The following SMAP1 variants were observed in gnomAD, a reference collection of about 807,000 sequenced individuals.
The protein encoded by SMAP1 is small ArfGAP 1.
A neutral mutation model predicts 58.5 loss-of-function variants in SMAP1; 24 were observed. That is an observed-to-expected ratio of 0.41 (90% CI 0.30 to 0.58). The LOEUF is 0.58. Ranked by LOEUF, SMAP1 falls within the 20% of genes least tolerant of loss-of-function variation. The pLI, the probability that SMAP1 is intolerant of heterozygous loss-of-function variation, is 0.29. For synonymous variants in SMAP1, 216 were observed against 196.6 expected, an observed-to-expected ratio of 1.10 and a Z score of -0.82; for missense variants, 563 against 566.3, an observed-to-expected ratio of 0.99 and a Z score of 0.06.
At chr6:70,739,903 A>G (rs1464533812) in intron 2 of SMAP1, among the ~76,000 whole-genome samples, 1 of 150,426 alleles carries the variant, frequency 6.6e-6, no homozygotes, top group Non-Finnish European at 1.5e-5. Context: ...TTTTTTCTTG[A>G]TTCTGTCATT....
intron 3 of SMAP1, among the ~76,000 whole-genome samples, chr6:70,761,019 G>T (rs1766725372): frequency 6.6e-6 from 1 of 152,022 alleles, no homozygotes; most frequent in Admixed American, 6.6e-5. Flanking sequence ...CTAATCAGCA[G>T]TTCTCCTTTG....
chr6:70,768,343 A>T (rs538969521), intron 3 of SMAP1, among the ~76,000 whole-genome samples: 1,642 of 152,210 alleles, frequency 0.011, 35 homozygotes, highest in African/African-American at 0.037. Flanking sequence ...TCCTCCTTGT[A>T]CCTCTGGTAG....
intron 2 of SMAP1, among the ~76,000 whole-genome samples, chr6:70,748,026 C>G (rs937162922): frequency 6.6e-6 from 1 of 152,166 alleles, no homozygotes; most frequent in African/African-American, 2.4e-5. Context: ...GGAATGGACT[C>G]TGTATTAAAT....
intron 3 of SMAP1, among the ~76,000 whole-genome samples, chr6:70,761,366 A>G (rs569648482): frequency 6.6e-6 from 1 of 152,104 alleles, no homozygotes; most frequent in South Asian, 2.1e-4. Context: ...TGTTATTATA[A>G]TAATGTATTT....
intron 1 of SMAP1, among the ~76,000 whole-genome samples, chr6:70,684,157 T>C (rs1766836971): frequency 6.6e-6 from 1 of 152,232 alleles, no homozygotes; most frequent in Admixed American, 6.5e-5. Flanking sequence ...TTGGCAGTAA[T>C]GTAAACATGT....
In SMAP1 at chr6:70,835,712, G is replaced by A. The variant is rs537791989; in HGVS notation, c.577-1229G>A. On this transcript the variant is annotated intron_variant, in intron 6 of 10. Transcript: ENST00000370455. ...TGTAGAGACAGACTCTTGCTATGTT[G>A]CGCAGGCTGGTCTCAAACTCCTGGG... Among the ~76,000 whole-genome samples, 14 of 152,174 alleles carry A rather than the reference G, an allele frequency of 9.2e-5. No homozygotes were observed. The South Asian group carries it at 2.1e-3, about 23-fold the overall frequency.
In SMAP1 at chr6:70,860,937, A is replaced by AG. The variant is rs1452721736; in HGVS notation, c.*603_*604insG. ...CGTTTAATGAATGCTTAAAGAATTC[A>AG]AATTTTATCTGCCTCTCTTGTAATT... On this transcript the variant is annotated 3_prime_UTR_variant, in exon 11 of 11. Transcript: ENST00000370455. The AG allele has an allele frequency of 5.3e-6, 2 of 374,080 alleles. No individual in the cohort carries two copies. The highest frequency in any genetic ancestry group is 4.8e-6 in the Non-Finnish European group (1 of 210,362). The allele number at this position is 374,080 out of a possible 1,614,324, so 23.2% of individuals were successfully genotyped here.
At chr6:70,698,821 C>T (rs932475578) in intron 1 of SMAP1, among the ~76,000 whole-genome samples, 13 of 152,118 alleles carry the variant, frequency 8.5e-5, no homozygotes, top group African/African-American at 2.4e-4. Flanking sequence ...TGTTGAGCTT[C>T]GTCAAAACAG....
At chr6:70,683,074 A>G (rs760148314) in intron 1 of SMAP1, among the ~76,000 whole-genome samples, 11 of 151,800 alleles carry the variant, frequency 7.2e-5, no homozygotes, top group Non-Finnish European at 1.5e-4. Flanking sequence ...CCAGTCTGTT[A>G]CTGGGTATTC....
intron 1 of SMAP1, among the ~76,000 whole-genome samples, chr6:70,721,947 C>T (rs1047417069): frequency 9.2e-5 from 14 of 152,158 alleles, no homozygotes; most frequent in African/African-American, 3.1e-4. Context: ...AGACACAATT[C>T]AAGTTGAGAT....
intron 6 of SMAP1, among the ~76,000 whole-genome samples, chr6:70,820,508 G>A (rs1429653522): frequency 1.3e-5 from 2 of 152,004 alleles, no homozygotes; most frequent in Non-Finnish European, 2.9e-5. Context: ...TCAGGAGATC[G>A]AGACCATCCT....
At chr6:70,729,459 TTGTGTGTGTG>T (rs35058846) in intron 1 of SMAP1, among the ~76,000 whole-genome samples, 17 of 128,168 alleles carry the variant, frequency 1.3e-4, no homozygotes, top group South Asian at 2.6e-4. Context: ...AAAAAGAAGG[TTGTGTGTGTG>T]TGTGTGTGTG....
At chr6:70,850,957 G>A (rs550247653) in intron 7 of SMAP1, among the ~76,000 whole-genome samples, 1 of 152,224 alleles carries the variant, frequency 6.6e-6, no homozygotes, top group African/African-American at 2.4e-5. Context: ...TTTCATGTAT[G>A]AGTCTTAATT....
chr6:70,668,934 A>C (rs1766152364), intron 1 of SMAP1, among the ~76,000 whole-genome samples: 1 of 152,120 alleles, frequency 6.6e-6, no homozygotes, highest in Non-Finnish European at 1.5e-5. Flanking sequence ...GTACCTCATA[A>C]ATGCTGAAGG....
chr6:70,837,326 T>A (rs931887832), intron 7 of SMAP1, among the ~76,000 whole-genome samples: 3 of 151,968 alleles, frequency 2.0e-5, no homozygotes, highest in Non-Finnish European at 4.4e-5. Context: ...CAATAAAGAG[T>A]GGATTATTTT....
At chr6:70,771,474 C>A (rs1039540766) in intron 3 of SMAP1, among the ~76,000 whole-genome samples, 2 of 152,234 alleles carry the variant, frequency 1.3e-5, no homozygotes, top group African/African-American at 4.8e-5. Flanking sequence ...CCTCCCCTAG[C>A]CTCCCTGCCG....
At chr6:70,702,568 C>T (rs1767676167) in intron 1 of SMAP1, among the ~76,000 whole-genome samples, 1 of 152,010 alleles carries the variant, frequency 6.6e-6, no homozygotes, top group Non-Finnish European at 1.5e-5. Flanking sequence ...TTTGTGTCCA[C>T]ACACACATGC....
intron 10 of SMAP1, chr6:70,859,179 A>G (rs535846663): frequency 5.5e-6 from 3 of 545,068 alleles, no homozygotes; most frequent in East Asian, 3.0e-5. Flanking sequence ...TTACAAGAAT[A>G]TAGGTAAAAC....
At chr6:70,714,062 T>G (rs1349537825) in intron 1 of SMAP1, among the ~76,000 whole-genome samples, 1 of 152,202 alleles carries the variant, frequency 6.6e-6, no homozygotes, top group East Asian at 1.9e-4. Context: ...GCCACTCTTT[T>G]GGGTACCATT....
Sources: allele counts gnomAD v4.1 joint callset (sites outside exome capture counted in the v4.1 genomes callset), GRCh38; gene constraint gnomAD v4.1.1; transcripts MANE v1.5; gene names NCBI Gene and HGNC (gene_info 2026-07-23, HGNC 2026-07-21).